The following GALK2 variants were observed in gnomAD, a reference collection of about 807,000 sequenced individuals.
GALK2 encodes N-acetylgalactosamine kinase.
A neutral mutation model predicts 52.4 loss-of-function variants in GALK2; 36 were observed. That is an observed-to-expected ratio of 0.69 (90% CI 0.53 to 0.91). GALK2 has a LOEUF of 0.91. GALK2 is among the 40% of genes least tolerant of loss of function. The pLI is 0.00. For missense variants in GALK2, 579 were observed against 559.1 expected (o/e 1.04, Z -0.36); for synonymous variants, 176 against 199.1 (o/e 0.88, Z 0.98).
rs71120671 is a variant in GALK2, at chr15:49,178,195, CTATATATATATATATATATA to C, written c.53+7833_53+7852del. Reference sequence around the variant, plus strand: ...AAAAAAAAAAAAAAAAAAAGAAATACTATATATATATATATATATATATATATATATAGAAATAAAATGTA... The same window carrying C: ...AAAAAAAAAAAAAAAAAAAGAAATACTATATATATATAGAAATAAAATGTA... On this transcript the variant is annotated intron_variant, in intron 1 of 9. Transcript: ENST00000560031. 2.6e-4 allele frequency among the ~76,000 whole-genome samples: 13 copies of C among 50,532 alleles called. No individual in the cohort carries two copies. The South Asian group carries it at 0.012, about 46-fold the overall frequency. The allele number at this position is 50,532 out of a possible 152,430, so 33.2% of individuals were successfully genotyped here.
chr15:49,166,238 G>A (rs184508236), upstream of GALK2, among the ~76,000 whole-genome samples: 19 of 152,266 alleles, frequency 1.2e-4, no homozygotes, highest in East Asian at 2.3e-3. Flanking sequence ...AGCAGAGGGT[G>A]CTTAGAGTCT....
At chr15:49,229,983 C>A (rs1286824889) in intron 3 of GALK2, among the ~76,000 whole-genome samples, 1 of 152,064 alleles carries the variant, frequency 6.6e-6, no homozygotes, top group African/African-American at 2.4e-5. Context: ...GTATTTAGGG[C>A]TCGTGAAAAT....
intron 7 of GALK2, among the ~76,000 whole-genome samples, chr15:49,286,414 G>A (rs533779464): frequency 3.3e-5 from 5 of 152,294 alleles, no homozygotes; most frequent in African/African-American, 1.2e-4. Context: ...CTGTGGAGGT[G>A]TGTAAAGTAT....
chr15:49,336,987 C>T (rs1350135717), intron 3 of GALK2, among the ~76,000 whole-genome samples: 1 of 152,174 alleles, frequency 6.6e-6, no homozygotes, highest in African/African-American at 2.4e-5. Flanking sequence ...ATAATGGCCT[C>T]CATCTGCATT....
chr15:49,210,786 G>A (rs1270694866), intron 2 of GALK2, among the ~76,000 whole-genome samples: 1 of 151,994 alleles, frequency 6.6e-6, no homozygotes, highest in African/African-American at 2.4e-5. Context: ...TCGCCCTGTT[G>A]CCCAGGCTGG....
intron 3 of GALK2, among the ~76,000 whole-genome samples, chr15:49,228,214 A>T (rs1158139326): frequency 6.6e-6 from 1 of 152,138 alleles, no homozygotes; most frequent in Admixed American, 6.5e-5. Context: ...TTTTAAAGTC[A>T]TATTTGTTTG....
chr15:49,302,500 T>C (rs1256293748), intron 8 of GALK2, among the ~76,000 whole-genome samples: 1 of 152,210 alleles, frequency 6.6e-6, no homozygotes, highest in Non-Finnish European at 1.5e-5. Flanking sequence ...GCAGTTCTCA[T>C]AGATTATCTT....
At chr15:49,357,383 T>TA (rs1191146678) in intron 3 of GALK2, among the ~76,000 whole-genome samples, 4 of 147,994 alleles carry the variant, frequency 2.7e-5, no homozygotes, top group African/African-American at 9.9e-5. Context: ...ATAGACGCAA[T>TA]AAAAAATGAT....
At chr15:49,161,091 T>A (rs767993489) in intron 1 of GALK2, among the ~76,000 whole-genome samples, 1 of 152,228 alleles carries the variant, frequency 6.6e-6, no homozygotes, top group Non-Finnish European at 1.5e-5. Flanking sequence ...TGATCACATA[T>A]ATGAAACTGC....
chr15:49,225,977 G>A (rs2090110535), intron 3 of GALK2, among the ~76,000 whole-genome samples: 1 of 152,242 alleles, frequency 6.6e-6, no homozygotes, highest in Non-Finnish European at 1.5e-5. Flanking sequence ...GAAGGGGCTG[G>A]TGGGCAGGAG....
chr15:49,257,258 T>A (rs2091851982), intron 5 of GALK2, among the ~76,000 whole-genome samples: 1 of 152,174 alleles, frequency 6.6e-6, no homozygotes, highest in Non-Finnish European at 1.5e-5. Context: ...TGTGAATTAG[T>A]AAAGTTGTCA....
chr15:49,300,948 G>T (rs1173545489), intron 8 of GALK2, among the ~76,000 whole-genome samples: 1 of 152,116 alleles, frequency 6.6e-6, no homozygotes, highest in Non-Finnish European at 1.5e-5. Flanking sequence ...GTGGTGGCAG[G>T]TACCAGTTTT....
upstream of GALK2, among the ~76,000 whole-genome samples, chr15:49,167,268 T>C (rs990844588): frequency 4.6e-5 from 7 of 152,236 alleles, no homozygotes; most frequent in African/African-American, 1.7e-4. Context: ...CTAAACCTAT[T>C]GTAAGAGTGC....
chr15:49,155,837 C>T (rs974370112), exon 1 of GALK2: 2 of 813,478 alleles, frequency 2.5e-6, no homozygotes, highest in African/African-American at 1.7e-5. Flanking sequence ...CTGCAGGTCT[C>T]AGCCGAAGGG....
intron 8 of GALK2, among the ~76,000 whole-genome samples, chr15:49,315,394 A>G (rs1387074254): frequency 6.6e-6 from 1 of 152,238 alleles, no homozygotes; most frequent in East Asian, 1.9e-4. Flanking sequence ...ACATCCAGCT[A>G]TAATGTTAGC....
chr15:49,300,702 G>T (rs763544662), intron 8 of GALK2, among the ~76,000 whole-genome samples: 1 of 152,092 alleles, frequency 6.6e-6, no homozygotes, highest in Non-Finnish European at 1.5e-5. Flanking sequence ...GGTTTTATAA[G>T]GGGCTTTTCC....
At chr15:49,213,731 T>G (rs764980578) in intron 2 of GALK2, among the ~76,000 whole-genome samples, 8 of 152,160 alleles carry the variant, frequency 5.3e-5, no homozygotes, top group Non-Finnish European at 1.0e-4. Flanking sequence ...TGTTATTTAT[T>G]TTCTGGTTGT....
Position 49,176,409 on chromosome 15 carries a change from T to C in GALK2, c.53+6034T>C, listed in dbSNP as rs186497332. Among the ~76,000 whole-genome samples the C allele has an allele frequency of 1.9e-3, 282 of 152,380 alleles. 3 individuals are homozygous for C. The highest frequency in any genetic ancestry group is 2.4e-3 in the Non-Finnish European group (164 of 68,036). Reference sequence around the variant, plus strand: ...TATTCATGTTAACTTGAATCTATGTTCCTGGGTTGCAATCTTCAAACTTGG... The same window carrying C: ...TATTCATGTTAACTTGAATCTATGTCCCTGGGTTGCAATCTTCAAACTTGG... On this transcript the variant is annotated intron_variant, in intron 1 of 9. Coordinates refer to ENST00000560031, the MANE Select transcript of GALK2 (RefSeq NM_002044.4).
chr15:49,365,563 G>T, intron 3 of GALK2: 1 of 887,740 alleles, frequency 1.1e-6, no homozygotes, highest in Non-Finnish European at 1.9e-6. Context: ...AAAAGGTCCA[G>T]CTGCAAGTTT....
Sources: gnomAD v4.1 joint callset for allele counts (sites outside exome capture counted in the v4.1 genomes callset) on GRCh38, gnomAD v4.1.1 for gene constraint, MANE v1.5 for transcripts, NCBI Gene and HGNC (gene_info 2026-07-23, HGNC 2026-07-21) for gene names.